The following ADCY8 variants were observed in gnomAD, a reference collection of about 807,000 sequenced individuals.
ADCY8 encodes adenylate cyclase type 8.
A neutral mutation model predicts 119.7 loss-of-function variants in ADCY8; 51 were observed. The ratio of observed to expected loss-of-function variants is 0.43; its 90% CI spans 0.34 to 0.54. The LOEUF (loss-of-function observed/expected upper bound fraction) is 0.54, where lower values mean the gene tolerates loss of function less well. Among genes scored for constraint, ADCY8 ranks in the 20% least tolerant of loss-of-function variants. ADCY8 has a pLI of 0.03. For synonymous variants in ADCY8, 665 were observed against 651.0 expected (o/e 1.02, Z -0.33); for missense variants, 1,383 against 1,598.8 (o/e 0.87, Z 2.30).
At chr8:131,005,488 G>A (rs1281467330) in intron 1 of ADCY8, among the ~76,000 whole-genome samples, 2 of 152,156 alleles carry the variant, frequency 1.3e-5, no homozygotes, top group East Asian at 1.9e-4. Flanking sequence ...ATAACTTGGA[G>A]TTAACTGGAC....
intron 5 of ADCY8, among the ~76,000 whole-genome samples, 153 bp from the exon 6 acceptor site, chr8:130,910,019 G>T (rs1188236856): frequency 4.6e-5 from 7 of 151,140 alleles, no homozygotes; most frequent in Admixed American, 1.3e-4. Flanking sequence ...CTGCCTCCCG[G>T]GTTCACGCTA....
chr8:130,943,497 G>GGGGGGGGGGCCCCCC, intron 3 of ADCY8, 35 bp from the exon 4 acceptor site: 2 of 491,344 alleles, frequency 4.1e-6, no homozygotes, highest in African/African-American at 2.0e-5. Context: ...GTGGGGGGAG[G>GGGGGGGGGGCCCCCC]AAGTATATTA....
intron 15 of ADCY8, among the ~76,000 whole-genome samples, chr8:130,797,543 C>G (rs140936045): frequency 1.3e-5 from 2 of 152,318 alleles, no homozygotes; most frequent in East Asian, 3.9e-4. Flanking sequence ...TCTGCCATGT[C>G]CATCTCTTAT....
At chr8:130,938,635 C>T (rs894653558) in intron 4 of ADCY8, among the ~76,000 whole-genome samples, 2 of 152,068 alleles carry the variant, frequency 1.3e-5, no homozygotes, top group African/African-American at 4.8e-5. Flanking sequence ...CCAATCTCAC[C>T]AGGAGTTGGA....
rs1239230666 is a variant in ADCY8, at chr8:130,951,851, G to C, written c.1241+17C>G. On this transcript the variant is annotated intron_variant, in intron 3 of 17. Transcript: ENST00000286355. ...TGGATCATGCAAGAGCCGGGGCAAG[G>C]GTGTTGTGTTTCTCACCTGACGTTC... 6.2e-7 allele frequency: 1 copy of C among 1,613,582 alleles called. No individual in the cohort carries two copies. The highest frequency in any genetic ancestry group is 8.5e-7 in the Non-Finnish European group (1 of 1,179,722).
At chr8:130,950,344 A>G (rs1196052792) in intron 3 of ADCY8, among the ~76,000 whole-genome samples, 6 of 152,232 alleles carry the variant, frequency 3.9e-5, no homozygotes, top group Admixed American at 6.5e-5. Flanking sequence ...TGAGATGCAA[A>G]GAAGCAGCAG....
At chr8:130,906,789 C>T (rs1398440863) in intron 6 of ADCY8, among the ~76,000 whole-genome samples, 1 of 150,938 alleles carries the variant, frequency 6.6e-6, no homozygotes, top group East Asian at 1.9e-4. Flanking sequence ...AATTGTGTAA[C>T]TCTTGTTTTG....
chr8:130,821,498 A>G (rs1816507282), intron 12 of ADCY8, 78 bp from the exon 13 acceptor site: 3 of 1,098,592 alleles, frequency 2.7e-6, no homozygotes, highest in Non-Finnish European at 4.1e-6. Context: ...TTCAGAAAGG[A>G]GTGGTATAAA....
At chr8:131,038,331 C>T (rs1005396484) in intron 1 of ADCY8, among the ~76,000 whole-genome samples, 3 of 152,106 alleles carry the variant, frequency 2.0e-5, no homozygotes, top group Non-Finnish European at 4.4e-5. Context: ...CAAAGCAGCC[C>T]CCTGACCATG....
rs1361986757 is a variant in ADCY8, at chr8:130,992,411, A to AGCAAC, written c.961-1870_961-1869insGTTGC. On this transcript the variant is annotated intron_variant, in intron 1 of 17. Transcript: ENST00000286355. ...TATATATATATATATATATATATATATATATATATATATATATATTTGAGA... is the reference window on the plus strand; with the variant it reads ...TATATATATATATATATATATATATAGCAACTATATATATATATATATATTTGAGA... Among the ~76,000 whole-genome samples, 156 of 34,170 alleles carry AGCAAC rather than the reference A, an allele frequency of 4.6e-3. 13 individuals are homozygous for AGCAAC. The highest frequency in any genetic ancestry group is 7.6e-3 in the African/African-American group (67 of 8,806). 22.4% of individuals were successfully genotyped at this position (34,170 alleles called of 152,430 possible).
intron 8 of ADCY8, among the ~76,000 whole-genome samples, chr8:130,882,395 C>A (rs1377331435): frequency 3.3e-5 from 5 of 152,056 alleles, no homozygotes; most frequent in South Asian, 2.1e-4. Context: ...GCTCTAGAAC[C>A]CTTTCCTACT....
chr8:131,019,178 T>G (rs535149050), intron 1 of ADCY8, among the ~76,000 whole-genome samples: 2 of 152,282 alleles, frequency 1.3e-5, no homozygotes, highest in African/African-American at 4.8e-5. Flanking sequence ...CCTTTAGCAT[T>G]GCACAAATAG....
intron 2 of ADCY8, among the ~76,000 whole-genome samples, chr8:130,984,075 G>T (rs1390679469): frequency 6.7e-6 from 1 of 149,004 alleles, no homozygotes; most frequent in African/African-American, 2.6e-5. Context: ...CTTCCTATCA[G>T]GGGTAGGGGA....
chr8:131,005,520 T>C (rs140325526), intron 1 of ADCY8, among the ~76,000 whole-genome samples: 91 of 152,306 alleles, frequency 6.0e-4, no homozygotes, highest in African/African-American at 2.0e-3. Flanking sequence ...GCTATTCTCC[T>C]TTGGCCTCTA....
At chr8:130,835,161 A>G (rs537068731) in intron 12 of ADCY8, among the ~76,000 whole-genome samples, 140 of 152,232 alleles carry the variant, frequency 9.2e-4, no homozygotes, top group African/African-American at 3.3e-3. Flanking sequence ...GTGTGCTTCC[A>G]ATACCTGAGA....
rs576133791 is a variant in ADCY8 at position 130,958,949 on chromosome 8, T to C, written c.1111-6951A>G. ...ATACCTTTTGTCTCTTTTGTTCAGT[T>C]CAATAATCCCAGCACCTAGAATAAC... On this transcript the variant is annotated intron_variant, in intron 2 of 17. Transcript: ENST00000286355. 5.3e-5 allele frequency among the ~76,000 whole-genome samples: 8 copies of C among 152,312 alleles called. No individual in the cohort carries two copies. In the East Asian group the frequency reaches 1.5e-3, roughly 29 times the overall value.
At chr8:130,923,897 T>C (rs1382034864) in intron 5 of ADCY8, among the ~76,000 whole-genome samples, 1 of 152,230 alleles carries the variant, frequency 6.6e-6, no homozygotes, top group Non-Finnish European at 1.5e-5. Flanking sequence ...ATGAGGCTGT[T>C]TTGATTAGGG....
intron 12 of ADCY8, among the ~76,000 whole-genome samples, chr8:130,826,866 C>T (rs987187966): frequency 1.3e-5 from 2 of 150,558 alleles, no homozygotes; most frequent in African/African-American, 4.9e-5. Flanking sequence ...AACAGGTGCA[C>T]AGTAGATCTT....
intron 8 of ADCY8, among the ~76,000 whole-genome samples, chr8:130,878,912 C>A (rs1818662810): frequency 6.6e-6 from 1 of 152,086 alleles, no homozygotes; most frequent in Non-Finnish European, 1.5e-5. Flanking sequence ...AATATGCAAT[C>A]AATTTTGAAG....
Sources: allele counts gnomAD v4.1 joint callset (sites outside exome capture counted in the v4.1 genomes callset), GRCh38; gene constraint gnomAD v4.1.1; transcripts MANE v1.5; gene names NCBI Gene and HGNC (gene_info 2026-07-23, HGNC 2026-07-21).